Variants in BMP2K observed in about 807,000 individuals in gnomAD.
BMP2K encodes the protein BMP-2-inducible protein kinase.
BMP2K carries 74 observed loss-of-function variants against 116.0 expected under a neutral mutation model. That is an observed-to-expected ratio of 0.64 (90% CI 0.53 to 0.77). The LOEUF (loss-of-function observed/expected upper bound fraction) is 0.77. Ranked by LOEUF, BMP2K falls within the 30% of genes least tolerant of loss-of-function variation. The probability of loss-of-function intolerance (pLI) is 0.00; values close to 1 mark genes in which losing one functional copy is unlikely to be tolerated. For missense variants in BMP2K, 1,365 were observed against 1,403.6 expected (o/e 0.97, Z 0.44); for synonymous variants, 486 against 502.5 (o/e 0.97, Z 0.44).
Position 78,872,735 on chromosome 4 carries a change from C to A in BMP2K, c.1730C>A (p.Ser577Tyr). Residue 577 changes from serine (S) to tyrosine (Y), a missense_variant, in exon 13 of 16, where the codon TCC (serine) becomes TAC (tyrosine). Physicochemically the swap from Ser to Tyr is moderately radical, Grantham distance 144. This residue lies in a region of BMP2K where 762 missense variants were observed against 756.7 expected (regional missense o/e 1.01). Transcript: ENST00000502613. Reference protein sequence around the residue: ...SPQEFSPALVSYTSSLPAQVG... With the variant: ...SPQEFSPALVYYTSSLPAQVG... ...CAAGAGTTCTCACCAGCCTTAGTTT[C>A]CTACACTTCATCACTTCCAGCTCAG... is the stretch of plus-strand genomic sequence containing the variant. 2 of 1,614,166 alleles carry A rather than the reference C, an allele frequency of 1.2e-6. No homozygotes were observed. The highest frequency in any genetic ancestry group is 2.2e-5 in the South Asian group (2 of 91,084).
At chr4:78,866,028 A>G (rs1438936670) in intron 10 of BMP2K, among the ~76,000 whole-genome samples, 1 of 152,176 alleles carries the variant, frequency 6.6e-6, no homozygotes, top group Non-Finnish European at 1.5e-5. Flanking sequence ...AATAAAGTTC[A>G]ACGGTATGGA....
At chr4:78,882,727 A>G (rs1732923075) in intron 14 of BMP2K, among the ~76,000 whole-genome samples, 1 of 152,012 alleles carries the variant, frequency 6.6e-6, no homozygotes, top group Non-Finnish European at 1.5e-5. Context: ...TCTGCTTAAA[A>G]TTGGATCAAA....
chr4:78,782,503 C>T (rs1484020630), intron 1 of BMP2K, among the ~76,000 whole-genome samples: 4 of 152,096 alleles, frequency 2.6e-5, no homozygotes, highest in Non-Finnish European at 4.4e-5. Context: ...GCCTAATTTG[C>T]AAATTGAAGA....
intron 1 of BMP2K, among the ~76,000 whole-genome samples, chr4:78,793,346 C>T (rs1406092622): frequency 6.8e-6 from 1 of 147,786 alleles, no homozygotes; most frequent in African/African-American, 2.5e-5. Flanking sequence ...GGAGGTGGAG[C>T]TTGCAGTGAG....
intron 8 of BMP2K, 151 bp downstream of exon 8, chr4:78,859,838 T>A (rs1731685281): frequency 1.6e-6 from 1 of 627,672 alleles, no homozygotes; most frequent in African/African-American, 1.9e-5. Context: ...TGTTTGATAT[T>A]TGTGGTATAA....
At chr4:78,881,596 T>G (rs1732887219) in intron 14 of BMP2K, among the ~76,000 whole-genome samples, 1 of 152,166 alleles carries the variant, frequency 6.6e-6, no homozygotes, top group African/African-American at 2.4e-5. Context: ...TTTAGTCATC[T>G]TTAGCACCTC....
chr4:78,796,442 C>A (rs1004108935), intron 1 of BMP2K, among the ~76,000 whole-genome samples: 1 of 150,718 alleles, frequency 6.6e-6, no homozygotes, highest in Non-Finnish European at 1.5e-5. Flanking sequence ...TGCTAGATGA[C>A]GAGTTAGTGG....
intron 1 of BMP2K, among the ~76,000 whole-genome samples, chr4:78,805,734 G>C (rs1022208094): frequency 1.3e-5 from 2 of 152,120 alleles, no homozygotes; most frequent in South Asian, 4.1e-4. Context: ...ACTTTGGGAG[G>C]CTGAGGCGGG....
chr4:78,829,787 T>TTTTCTCTTTTCTC (rs1730091260), intron 2 of BMP2K, among the ~76,000 whole-genome samples: 1 of 86,594 alleles, frequency 1.2e-5, no homozygotes, highest in African/African-American at 4.2e-5. Flanking sequence ...TTTCTTTTCT[T>TTTTCTCTTTTCTC]TTCTCTTCTC....
chr4:78,825,934 A>G, intron 1 of BMP2K, 103 bp from the exon 2 acceptor site: 1 of 875,556 alleles, frequency 1.1e-6, no homozygotes, highest in Non-Finnish European at 1.8e-6. Context: ...TGTCTTGGGT[A>G]CAATCATTGT....
chr4:78,855,824 T>C (rs968118704), intron 7 of BMP2K, among the ~76,000 whole-genome samples: 1 of 150,482 alleles, frequency 6.6e-6, no homozygotes, highest in African/African-American at 2.5e-5. Context: ...CAGAGAAATA[T>C]TATTTCTTCG....
chr4:78,811,088 C>A (rs1367529543), intron 1 of BMP2K, among the ~76,000 whole-genome samples: 1 of 152,138 alleles, frequency 6.6e-6, no homozygotes, highest in African/African-American at 2.4e-5. Flanking sequence ...TTCTAATTTC[C>A]CTGCATGTAC....
intron 15 of BMP2K, among the ~76,000 whole-genome samples, chr4:78,909,602 C>T (rs985549517): frequency 6.6e-6 from 1 of 152,064 alleles, no homozygotes; most frequent in African/African-American, 2.4e-5. Context: ...TTATATATGC[C>T]ATTGCTTTTA....
In BMP2K at chr4:78,910,596, A is replaced by T; in HGVS notation, c.2063-14A>T. On this transcript the variant is annotated splice_polypyrimidine_tract_variant and intron_variant, in intron 15 of 15. Coordinates refer to ENST00000502613, the MANE Select transcript of BMP2K (RefSeq NM_198892.2). ...GCATTGGAATGCTGTAATAATATTT[A>T]TTTGAACTTGCAGGTTCTCCTGAAA... 1 of 1,496,566 alleles carries T rather than the reference A, an allele frequency of 6.7e-7. No homozygotes were observed. The highest frequency in any genetic ancestry group is 1.4e-5 in the African/African-American group (1 of 71,262). 92.7% of individuals were successfully genotyped at this position (1,496,566 alleles called of 1,614,324 possible).
rs116627975 is a variant in BMP2K at position 78,784,317 on chromosome 4, C to T, written c.178+7596C>T. On this transcript the variant is annotated intron_variant, in intron 1 of 15. Transcript: ENST00000502613. ...AAAGCTGCCACACTTTTCTAGTGGT[C>T]GGGTATAATATTTCATCTCCAAAAG... Among the ~76,000 whole-genome samples, 691 of 152,206 alleles carry T rather than the reference C, an allele frequency of 4.5e-3. 2 individuals are homozygous for T. The highest frequency in any genetic ancestry group is 0.016 in the African/African-American group (650 of 41,514).
chr4:78,871,998 GGAATTCA>G lies in BMP2K; in HGVS notation c.1608+51_1608+57del. On this transcript the variant is annotated intron_variant, in intron 12 of 15. Transcript: ENST00000502613. ...TTCTCTGAGTATACATTATGGTGTT[GGAATTCA>G]CAGTATGAATCATATTATTCAGAAT... is the stretch of plus-strand genomic sequence containing the variant. The G allele has an allele frequency of 2.4e-6, 3 of 1,258,152 alleles. No homozygotes were observed. In the Admixed American group the frequency reaches 6.0e-5, roughly 25 times the overall value. The allele number at this position is 1,258,152 out of a possible 1,614,324, so 77.9% of individuals were successfully genotyped here.
At position 78,911,512 on chromosome 4, in the gene BMP2K, A is replaced by C. The variant is rs376045171; in HGVS notation, c.2965A>C (p.Met989Leu). ...TCGCCAAAGGCGCACAAAGCAGGAT[A>C]TGTCCAAAAGTAATGGGAAGCGGCA... The part of the protein sequence containing the change: ...SSRQRRTKQD[M>L]SKSNGKRHHG... Residue 989 changes from methionine to leucine, a missense_variant, in exon 16 of 16, where the codon ATG becomes CTG. Around this residue, in one of 3 missense-constraint regions of BMP2K, gnomAD observed 596 missense variants for 623.2 expected, o/e 0.96. Transcript: ENST00000502613. 1.9e-6 allele frequency: 3 copies of C among 1,613,956 alleles called. No homozygotes were observed. In the African/African-American group the frequency reaches 4.0e-5, roughly 22 times the overall value.
At chr4:78,785,816 ATTTGGACTGTTC>A (rs1315671776) in intron 1 of BMP2K, among the ~76,000 whole-genome samples, 3 of 152,158 alleles carry the variant, frequency 2.0e-5, no homozygotes, top group African/African-American at 7.2e-5. Flanking sequence ...TTATATTAGC[ATTTGGACTGTTC>A]TTTCAGACTC....
At position 78,826,068 on chromosome 4, in the gene BMP2K, T is replaced by C. The variant is rs1577902673; in HGVS notation, c.210T>C (p.Thr70=). The change falls in exon 2 of 16, where the codon ACT becomes ACC. Residue 70 remains threonine (T), a synonymous_variant. Coordinates refer to ENST00000502613, the MANE Select transcript of BMP2K (RefSeq NM_198892.2). ...TCTCCACAGTTTTCCTCGTGCGTAC[T>C]CACGGTGGAATCCGATGTGCATTGA... ...GGFSTVFLVR[T]HGGIRCALKR... The C allele has an allele frequency of 1.2e-6, 2 of 1,614,190 alleles. No individual in the cohort carries two copies. Among genetic ancestry groups the C allele is most frequent in the African/African-American group, 2.7e-5 (2 of 75,074 alleles).
Sources: allele counts gnomAD v4.1 joint callset (sites outside exome capture counted in the v4.1 genomes callset), GRCh38; gene constraint gnomAD v4.1.1; regional missense constraint gnomAD v4.1.1; transcripts MANE v1.5; gene names NCBI Gene and HGNC (gene_info 2026-07-23, HGNC 2026-07-21).